ZNF514: variants seen among roughly 807,000 people sequenced by gnomAD.
ZNF514 encodes the protein zinc finger protein 514.
Under a neutral mutation model 9.7 loss-of-function variants are expected in ZNF514, and 12 were observed. That is an observed-to-expected ratio of 1.24 (90% CI 0.79 to 2.01). The LOEUF (loss-of-function observed/expected upper bound fraction) is 2.01, where lower values mean the gene tolerates loss of function less well. Ranked by LOEUF, ZNF514 falls within the 30% of genes most tolerant of loss-of-function variation. ZNF514 has a pLI of 0.00. For missense variants in ZNF514, 467 were observed against 465.5 expected (o/e 1.00, Z -0.03); for synonymous variants, 158 against 163.7 (o/e 0.97, Z 0.27).
At chr2:95,159,162 C>T (rs1270232738) in intron 1 of ZNF514, 78 bp downstream of exon 1, 6 of 446,794 alleles carry the variant, frequency 1.3e-5, no homozygotes, top group Non-Finnish European at 2.0e-5. Context: ...AGAGCAGGGC[C>T]GGCAAACCCC....
chr2:95,138,266 C>T, the ZNF514 span, among the ~76,000 whole-genome samples: 4 of 152,130 alleles, frequency 2.6e-5, no homozygotes, highest in African/African-American at 9.7e-5. Flanking sequence ...AACTGGGTAA[C>T]AGCGAGAGGG....
chr2:95,142,050 T>C (rs1342626790), downstream of ZNF514, among the ~76,000 whole-genome samples: 1 of 152,236 alleles, frequency 6.6e-6, no homozygotes, highest in Admixed American at 6.5e-5. Context: ...GACCCCTGGT[T>C]GTCACCCACC....
chr2:95,127,891 G>A, the ZNF514 span, among the ~76,000 whole-genome samples: 1 of 152,112 alleles, frequency 6.6e-6, no homozygotes, highest in African/African-American at 2.4e-5. Flanking sequence ...TCACAGGCGT[G>A]AGACACCGCA....
chr2:95,149,994 G>A lies in ZNF514; in HGVS notation c.491C>T (p.Ser164Leu). The change falls in exon 5 of 5, where the codon TCA becomes TTA. Residue 164 changes from serine to leucine, a missense_variant. By Grantham distance (145) the Ser-to-Leu change is moderately radical. Coordinates refer to ENST00000295208, the MANE Select transcript of ZNF514 (RefSeq NM_032788.3). The stretch of plus-strand genomic sequence containing the variant: ...AATGCTGTGTTGGTTAACAAGGACT[G>A]ATCTTAAACCTAAGCTTCTCCCAAA... ...NGFGRSLGLR[S>L]VLVNQHSILM... 1 of 1,614,186 alleles carries A rather than the reference G, an allele frequency of 6.2e-7. No individual in the cohort carries two copies. The highest frequency in any genetic ancestry group is 8.5e-7 in the Non-Finnish European group (1 of 1,180,026).
At chr2:95,155,467 T>C (rs886139203) in intron 2 of ZNF514, 4 of 152,208 alleles carry the variant, frequency 2.6e-5, no homozygotes, top group African/African-American at 4.8e-5. Flanking sequence ...CCTGTCCCCA[T>C]TGCTCATTGT....
At position 95,149,735 on chromosome 2, in the gene ZNF514, A is replaced by G. The variant is rs1460945366; in HGVS notation, c.750T>C (p.His250=). The change falls in exon 5 of 5, where the codon CAT becomes CAC. Residue 250 remains histidine (H), a synonymous_variant. Coordinates refer to ENST00000295208, the MANE Select transcript of ZNF514 (RefSeq NM_032788.3). ...GCTTTTCTCCAGTATGAGTTCTTTG[A>G]TGTTTAATAAGGGATGAAATATGAC... is the stretch of plus-strand genomic sequence containing the variant. ...AFGHISSLIK[H]QRTHTGEKPY... 6.2e-7 allele frequency: 1 copy of G among 1,614,204 alleles called. No homozygotes were observed. The highest frequency in any genetic ancestry group is 1.7e-5 in the Admixed American group (1 of 60,032).
At chr2:95,143,146 C>A (rs1425217805), downstream of ZNF514, among the ~76,000 whole-genome samples, 1 of 152,192 alleles carries the variant, frequency 6.6e-6, no homozygotes, top group Non-Finnish European at 1.5e-5. Flanking sequence ...ACTACAGAGA[C>A]AACTGAACAA....
At chr2:95,155,155 A>G (rs1452150308) in intron 2 of ZNF514, 2 of 152,258 alleles carry the variant, frequency 1.3e-5, no homozygotes. Flanking sequence ...AACCTACTCC[A>G]GCAGGATGAA....
chr2:95,157,199 G>A (rs1472209982), intron 2 of ZNF514, among the ~76,000 whole-genome samples, 152 bp downstream of exon 2: 2 of 152,176 alleles, frequency 1.3e-5, no homozygotes, highest in African/African-American at 4.8e-5. Flanking sequence ...GGACAGGTCA[G>A]GGAGCCATCA....
chr2:95,137,064 C>T, the ZNF514 span, among the ~76,000 whole-genome samples: 8 of 152,088 alleles, frequency 5.3e-5, no homozygotes, highest in African/African-American at 1.4e-4. Context: ...TAGATGCACC[C>T]CTACTTCTTA....
Position 95,148,560 on chromosome 2 carries a change from A to G in ZNF514, c.*722T>C, listed in dbSNP as rs1218540522. On this transcript the variant is annotated 3_prime_UTR_variant, in exon 5 of 5. Transcript: ENST00000295208. ...ACTAAATTTGAAGAGTTGCTCTAGC[A>G]CAAATTCTCTAATGTACAAATTCTC... 6.6e-6 allele frequency: 1 copy of G among 152,004 alleles called. No individual in the cohort carries two copies. The highest frequency in any genetic ancestry group is 1.5e-5 in the Non-Finnish European group (1 of 68,002). 9.4% of individuals were successfully genotyped at this position (152,004 alleles called of 1,614,324 possible).
downstream of ZNF514, among the ~76,000 whole-genome samples, chr2:95,140,825 A>C (rs1676816213): frequency 1.3e-5 from 2 of 151,770 alleles, no homozygotes; most frequent in Admixed American, 1.3e-4. Context: ...AAATACAAAA[A>C]TTAGCCGGGC....
At chr2:95,136,758 T>A in the ZNF514 span, among the ~76,000 whole-genome samples, 1 of 152,196 alleles carries the variant, frequency 6.6e-6, no homozygotes, top group South Asian at 2.1e-4. Flanking sequence ...TGATGGATGA[T>A]ACCTGAAAAC....
chr2:95,156,800 T>A (rs1156287532), intron 2 of ZNF514, among the ~76,000 whole-genome samples: 2 of 152,226 alleles, frequency 1.3e-5, no homozygotes, highest in Middle Eastern at 3.4e-3. Flanking sequence ...AGTAGTAAAG[T>A]TAAGTGTGCC....
At chr2:95,154,487 A>C (rs765194218) in intron 2 of ZNF514, 3 of 152,260 alleles carry the variant, frequency 2.0e-5, no homozygotes, top group Non-Finnish European at 2.9e-5. Flanking sequence ...CAAGGTGGCA[A>C]CCCATGTAAT....
At chr2:95,125,445 A>C in the ZNF514 span, among the ~76,000 whole-genome samples, 1 of 151,974 alleles carries the variant, frequency 6.6e-6, no homozygotes, top group African/African-American at 2.4e-5. Flanking sequence ...TCACCATGTT[A>C]GCCAGGATGG....
the ZNF514 span, among the ~76,000 whole-genome samples, chr2:95,138,213 G>A: frequency 1.3e-5 from 2 of 152,316 alleles, no homozygotes; most frequent in African/African-American, 4.8e-5. Context: ...CCAGCAGTGG[G>A]ACATTGCTAT....
At chr2:95,136,536 C>G in the ZNF514 span, among the ~76,000 whole-genome samples, 1 of 151,872 alleles carries the variant, frequency 6.6e-6, no homozygotes, top group African/African-American at 2.4e-5. Flanking sequence ...CATGAGCCAC[C>G]ACACCTGGCT....
chr2:95,146,385 A>G lies in ZNF514; in HGVS notation c.*2897T>C, dbSNP rs747673868. The stretch of plus-strand genomic sequence containing the variant: ...TGACTTCATATCAGTTTTCAAGAGA[A>G]CACCTCTCCAAGGAAGGGAAATTTA... On this transcript the variant is annotated 3_prime_UTR_variant, in exon 5 of 5. Transcript: ENST00000295208. Among the ~76,000 whole-genome samples, 11 of 152,228 alleles carry G rather than the reference A, an allele frequency of 7.2e-5. No homozygotes were observed. Among genetic ancestry groups the G allele is most frequent in the Non-Finnish European group, 1.2e-4 (8 of 68,044 alleles).
Sources: gnomAD v4.1 joint callset for allele counts (sites outside exome capture counted in the v4.1 genomes callset) on GRCh38, gnomAD v4.1.1 for gene constraint, MANE v1.5 for transcripts, NCBI Gene and HGNC (gene_info 2026-07-23, HGNC 2026-07-21) for gene names.